TMEM163: variants seen among roughly 807,000 people sequenced by gnomAD.
The protein encoded by TMEM163 is transmembrane protein 163.
TMEM163 carries 17 observed loss-of-function variants against 29.3 expected under a neutral mutation model. That is an observed-to-expected ratio of 0.58 (90% confidence interval 0.40 to 0.87). The LOEUF (loss-of-function observed/expected upper bound fraction) is 0.87. Among genes scored for constraint, TMEM163 ranks in the 40% least tolerant of loss-of-function variants. The pLI, the probability that TMEM163 is intolerant of heterozygous loss-of-function variation, is 0.00. For missense variants in TMEM163, 303 were observed against 381.5 expected (o/e 0.79, Z 1.71); for synonymous variants, 157 against 160.6 (o/e 0.98, Z 0.17).
intron 2 of TMEM163, among the ~76,000 whole-genome samples, chr2:134,639,899 A>G (rs1413922849): frequency 1.3e-5 from 2 of 152,154 alleles, no homozygotes; most frequent in African/African-American, 2.4e-5. Flanking sequence ...AAATTCAGCA[A>G]GCCGCTTCTT....
At chr2:134,529,434 G>A (rs923367800) in intron 4 of TMEM163, among the ~76,000 whole-genome samples, 1 of 152,036 alleles carries the variant, frequency 6.6e-6, no homozygotes, top group African/African-American at 2.4e-5. Flanking sequence ...AGGATGAGGG[G>A]TGACTCTTCA....
At chr2:134,697,282 C>T (rs565837129) in intron 2 of TMEM163, among the ~76,000 whole-genome samples, 7 of 152,166 alleles carry the variant, frequency 4.6e-5, no homozygotes, top group Admixed American at 3.9e-4. Flanking sequence ...TAACAGCAGA[C>T]GTCCTTATCT....
At chr2:134,595,865 A>G (rs1170858010) in intron 2 of TMEM163, among the ~76,000 whole-genome samples, 3 of 152,200 alleles carry the variant, frequency 2.0e-5, no homozygotes, top group Non-Finnish European at 4.4e-5. Flanking sequence ...TCTGATGGCC[A>G]GTGATGATGA....
At chr2:134,505,715 C>G (rs372896167) in intron 4 of TMEM163, among the ~76,000 whole-genome samples, 1 of 152,072 alleles carries the variant, frequency 6.6e-6, no homozygotes. Flanking sequence ...GTGATAATGC[C>G]GGAATTGCTT....
rs368344159 is a variant in TMEM163, at chr2:134,538,846, G to T, written c.458+11724C>A. On this transcript the variant is annotated intron_variant, in intron 4 of 7. Coordinates refer to ENST00000281924, the MANE Select transcript of TMEM163 (RefSeq NM_030923.5). ...GCATGGGGAAGGAGACCTGGGAGGG[G>T]CTGGGTGGTGAAGGCTACAGGGATT... Among the ~76,000 whole-genome samples, 14 of 152,292 alleles carry T rather than the reference G, an allele frequency of 9.2e-5. No individual in the cohort carries two copies. In the East Asian group the frequency reaches 2.7e-3, roughly 29 times the overall value.
At chr2:134,567,699 AAAT>A (rs1209955519) in intron 2 of TMEM163, among the ~76,000 whole-genome samples, 3 of 152,282 alleles carry the variant, frequency 2.0e-5, no homozygotes, top group Non-Finnish European at 4.4e-5. Flanking sequence ...CTCAAATAAT[AAAT>A]AATAATAATA....
chr2:134,549,382 C>G (rs1680860168), intron 4 of TMEM163, among the ~76,000 whole-genome samples: 1 of 152,228 alleles, frequency 6.6e-6, no homozygotes, highest in African/African-American at 2.4e-5. Context: ...AAGTCTCGCT[C>G]TGTTGCCCAG....
intron 1 of TMEM163, among the ~76,000 whole-genome samples, chr2:134,718,140 G>T (rs1372593907): frequency 6.6e-6 from 1 of 152,244 alleles, no homozygotes; most frequent in Non-Finnish European, 1.5e-5. Context: ...GACGGGGCAG[G>T]GACCCACTGT....
chr2:134,650,004 T>TAAAAAAAA (rs1319130397), intron 2 of TMEM163, among the ~76,000 whole-genome samples: 2 of 97,552 alleles, frequency 2.1e-5, no homozygotes, highest in African/African-American at 8.4e-5. Context: ...GACCCTGTCT[T>TAAAAAAAA]AAAAAAAAAA....
At chr2:134,458,950 A>C (rs1686463799) in intron 6 of TMEM163, 1 of 151,920 alleles carries the variant, frequency 6.6e-6, no homozygotes, top group Non-Finnish European at 1.5e-5. Flanking sequence ...TGGGGCTCCC[A>C]GCTTACATGT....
At chr2:134,496,105 A>G (rs536318067) in intron 5 of TMEM163, among the ~76,000 whole-genome samples, 3 of 150,354 alleles carry the variant, frequency 2.0e-5, no homozygotes, top group Admixed American at 6.6e-5. Context: ...TCTGTCACCC[A>G]GGCTGGAGTG....
intron 2 of TMEM163, among the ~76,000 whole-genome samples, chr2:134,591,377 C>T (rs1681930942): frequency 6.6e-6 from 1 of 152,170 alleles, no homozygotes. Context: ...AACCAGAGGT[C>T]ACTCTTGTCA....
chr2:134,598,797 G>T (rs1394346840), intron 2 of TMEM163, among the ~76,000 whole-genome samples: 4 of 151,930 alleles, frequency 2.6e-5, no homozygotes, highest in Non-Finnish European at 5.9e-5. Context: ...GCTCATGCCT[G>T]AAGTCCCAGC....
chr2:134,679,117 C>A (rs1187186945), intron 2 of TMEM163, among the ~76,000 whole-genome samples: 1 of 152,148 alleles, frequency 6.6e-6, no homozygotes, highest in African/African-American at 2.4e-5. Context: ...CAGGCCTCAG[C>A]CCTTTCAGCT....
At chr2:134,579,669 C>T (rs928985148) in intron 2 of TMEM163, among the ~76,000 whole-genome samples, 5 of 152,088 alleles carry the variant, frequency 3.3e-5, no homozygotes, top group African/African-American at 1.2e-4. Context: ...CACAGGGCTT[C>T]GGAAGAGATA....
intron 5 of TMEM163, among the ~76,000 whole-genome samples, chr2:134,483,043 G>A (rs1259237850): frequency 6.6e-6 from 1 of 152,092 alleles, no homozygotes; most frequent in Non-Finnish European, 1.5e-5. Flanking sequence ...GTCACAGGAA[G>A]CCACAGCAAA....
At chr2:134,514,331 T>A (rs1680009642) in intron 4 of TMEM163, among the ~76,000 whole-genome samples, 1 of 150,180 alleles carries the variant, frequency 6.7e-6, no homozygotes, top group Non-Finnish European at 1.5e-5. Context: ...TACACTGGAA[T>A]AAAAAGAATT....
chr2:134,606,865 T>C (rs1682381461), intron 2 of TMEM163, among the ~76,000 whole-genome samples: 1 of 152,210 alleles, frequency 6.6e-6, no homozygotes, highest in Non-Finnish European at 1.5e-5. Context: ...GCAGTTTCAA[T>C]AAAACAGTGA....
chr2:134,699,568 C>G (rs1299067453), intron 2 of TMEM163, among the ~76,000 whole-genome samples: 4 of 152,048 alleles, frequency 2.6e-5, no homozygotes, highest in Admixed American at 6.6e-5. Flanking sequence ...TTTACATATT[C>G]TGATATATTC....
Sources: allele counts gnomAD v4.1 joint callset (sites outside exome capture counted in the v4.1 genomes callset), GRCh38; gene constraint gnomAD v4.1.1; transcripts MANE v1.5; gene names NCBI Gene and HGNC (gene_info 2026-07-23, HGNC 2026-07-21).